Variants in FHAD1 observed in about 807,000 individuals in gnomAD.
The protein encoded by FHAD1 is forkhead-associated domain-containing protein 1.
Under a neutral mutation model 191.3 loss-of-function variants are expected in FHAD1, and 146 were observed. The observed-to-expected ratio is 0.76, with a 90% CI of 0.67 to 0.88. The LOEUF is 0.88. Ranked by LOEUF, FHAD1 falls within the 40% of genes least tolerant of loss-of-function variation. The probability of loss-of-function intolerance (pLI) is 0.00; values close to 1 mark genes in which losing one functional copy is unlikely to be tolerated. For synonymous variants in FHAD1, 616 were observed against 672.3 expected, an observed-to-expected ratio of 0.92 and a Z score of 1.29; for missense variants, 1,635 against 1,785.8, an observed-to-expected ratio of 0.92 and a Z score of 1.52.
chr1:15,237,638 G>A (rs575456885), intron 1 of FHAD1, among the ~76,000 whole-genome samples: 1 of 152,282 alleles, frequency 6.6e-6, no homozygotes, highest in East Asian at 1.9e-4. Context: ...TTCAAATTCA[G>A]AGCCAGATTA....
chr1:15,392,443 A>G (rs1372560212), intron 33 of FHAD1, among the ~76,000 whole-genome samples: 1 of 152,124 alleles, frequency 6.6e-6, no homozygotes, highest in Non-Finnish European at 1.5e-5. Context: ...GAGACAGGAG[A>G]ATGGTGTGAA....
chr1:15,377,766 A>G (rs761835305), intron 28 of FHAD1, among the ~76,000 whole-genome samples: 4 of 152,064 alleles, frequency 2.6e-5, no homozygotes, highest in Non-Finnish European at 4.4e-5. Flanking sequence ...CAGGAAGTGG[A>G]GGCTGCAGTG....
In FHAD1 at chr1:15,290,591, C is replaced by T. The variant is rs117424453; in HGVS notation, c.568+925C>T. Among the ~76,000 whole-genome samples the T allele has an allele frequency of 2.3e-3, 353 of 152,266 alleles. 12 individuals are homozygous for T. In the East Asian group the frequency reaches 0.064, roughly 28 times the overall value. ...GAAGAGTAAAGGCCATGTGTCTCCACGGTTTACATCATCATCACCGTCATC... is the reference window on the plus strand; with the variant it reads ...GAAGAGTAAAGGCCATGTGTCTCCATGGTTTACATCATCATCACCGTCATC... On this transcript the variant is annotated intron_variant, in intron 4 of 33. Transcript: ENST00000688493.
At chr1:15,349,817 C>T (rs146904146) in intron 19 of FHAD1, among the ~76,000 whole-genome samples, 1 of 152,178 alleles carries the variant, frequency 6.6e-6, no homozygotes, top group African/African-American at 2.4e-5. Flanking sequence ...GGGGTCAGAG[C>T]TGGAGACATC....
intron 32 of FHAD1, among the ~76,000 whole-genome samples, chr1:15,388,737 A>T (rs565381962): frequency 2.0e-5 from 3 of 152,126 alleles, no homozygotes; most frequent in Non-Finnish European, 4.4e-5. Context: ...GTCACAGTTC[A>T]CAGTGTCCAT....
At position 15,393,485 on chromosome 1, in the gene FHAD1, G is replaced by GA. The variant is rs200873321; in HGVS notation, c.4323+2228dup. 5.5e-3 allele frequency among the ~76,000 whole-genome samples: 842 copies of GA among 151,732 alleles called. 10 individuals carry two copies. Among genetic ancestry groups the GA allele is most frequent in the Middle Eastern group, 0.024 (7 of 294 alleles). The stretch of plus-strand genomic sequence containing the variant: ...ATCTGTAAAAGGGTGAGGGGCTGGG[G>GA]AAAAAACCTCTAAGAATTCTCAGGG... On this transcript the variant is annotated intron_variant, in intron 33 of 33. Coordinates refer to ENST00000688493, the MANE Select transcript of FHAD1 (RefSeq NM_001391957.1).
intron 20 of FHAD1, among the ~76,000 whole-genome samples, chr1:15,353,417 G>A (rs114272043): frequency 0.021 from 3,203 of 152,208 alleles, 118 homozygotes; most frequent in African/African-American, 0.072. Context: ...TAAGAGAGGA[G>A]ATGTTGGCTG....
At chr1:15,366,308 AAG>A (rs1696434681) in intron 24 of FHAD1, among the ~76,000 whole-genome samples, 1 of 151,382 alleles carries the variant, frequency 6.6e-6, no homozygotes. Flanking sequence ...AAAAAAAAAA[AAG>A]AGTTGAAAAC....
intron 20 of FHAD1, chr1:15,357,839 A>T: frequency 3.2e-6 from 1 of 313,302 alleles, no homozygotes; most frequent in Admixed American, 5.2e-5. Context: ...CTGTCTCATA[A>T]AAGAGAAATA....
intron 19 of FHAD1, 70 bp from the exon 20 acceptor site, chr1:15,352,807 C>A: frequency 8.4e-7 from 1 of 1,194,502 alleles, no homozygotes; most frequent in Non-Finnish European, 1.2e-6. Flanking sequence ...GTGACTCGTC[C>A]TGGTTTCCCT....
intron 4 of FHAD1, among the ~76,000 whole-genome samples, chr1:15,290,234 C>T (rs1283870709): frequency 2.0e-5 from 3 of 152,188 alleles, no homozygotes; most frequent in Non-Finnish European, 4.4e-5. Flanking sequence ...CACACACAAC[C>T]TTCAGGGTGT....
intron 5 of FHAD1, among the ~76,000 whole-genome samples, chr1:15,297,733 G>A (rs1486600898): frequency 6.6e-6 from 1 of 152,180 alleles, no homozygotes; most frequent in African/African-American, 2.4e-5. Flanking sequence ...CGTGGCAGGG[G>A]CTGATGGTCT....
At chr1:15,334,437 C>T (rs927824530) in intron 14 of FHAD1, 1 of 152,200 alleles carries the variant, frequency 6.6e-6, no homozygotes, top group Non-Finnish European at 1.5e-5. Flanking sequence ...TGAGCCATAA[C>T]CACAGAAAGC....
intron 14 of FHAD1, chr1:15,334,411 C>T (rs561736624): frequency 3.9e-5 from 6 of 152,342 alleles, no homozygotes; most frequent in Non-Finnish European, 7.3e-5. Flanking sequence ...AGCTAAACCG[C>T]ATCTGATTCC....
At chr1:15,366,352 G>A (rs1696455952) in intron 24 of FHAD1, among the ~76,000 whole-genome samples, 1 of 150,002 alleles carries the variant, frequency 6.7e-6, no homozygotes, top group Admixed American at 6.6e-5. Flanking sequence ...TCCCTGTGCT[G>A]TCGCAGCACC....
rs546722379 is a variant in FHAD1, at chr1:15,394,220, C to T, written c.4323+2957C>T. On this transcript the variant is annotated intron_variant, in intron 33 of 33. Coordinates refer to ENST00000688493, the MANE Select transcript of FHAD1 (RefSeq NM_001391957.1). ...TTCATAAAGAGAACAAAGCCCCTTCCGTGGTGCTTCCCATCCCATGCTTCT... is the reference window on the plus strand; with the variant it reads ...TTCATAAAGAGAACAAAGCCCCTTCTGTGGTGCTTCCCATCCCATGCTTCT... 7.9e-5 allele frequency among the ~76,000 whole-genome samples: 12 copies of T among 152,306 alleles called. No individual in the cohort carries two copies. In the South Asian group the frequency reaches 1.9e-3, roughly 24 times the overall value.
intron 3 of FHAD1, among the ~76,000 whole-genome samples, chr1:15,284,923 G>GGAAA (rs56001551): frequency 3.3e-5 from 5 of 151,418 alleles, no homozygotes; most frequent in Admixed American, 6.6e-5. Context: ...AGAAAGAGGA[G>GGAAA]GAAAGAAAGA....
intron 31 of FHAD1, among the ~76,000 whole-genome samples, chr1:15,386,684 A>G (rs2103050821): frequency 6.6e-6 from 1 of 152,292 alleles, no homozygotes; most frequent in South Asian, 2.1e-4. Context: ...GGAGCCCCTA[A>G]CCTTGCCTCT....
In FHAD1 at chr1:15,345,091, G is replaced by A. The variant is rs1321753020; in HGVS notation, c.2139G>A (p.Glu713=). The A allele has an allele frequency of 1.3e-6, 2 of 1,551,338 alleles. No homozygotes were observed. Among genetic ancestry groups the A allele is most frequent in the African/African-American group, 2.7e-5 (2 of 72,946 alleles). ...RQLTEEKAAL[E]EYITQERNRA... ...TGGTCATTGGTTTCCAGGCTTTGGA[G>A]GAGTACATTACTCAAGAGAGAAACA... Residue 713 remains glutamate (E), a synonymous_variant, in exon 17 of 34, where the codon GAG becomes GAA. Coordinates refer to ENST00000688493, the MANE Select transcript of FHAD1 (RefSeq NM_001391957.1).
Sources: allele counts gnomAD v4.1 joint callset (sites outside exome capture counted in the v4.1 genomes callset), GRCh38; gene constraint gnomAD v4.1.1; transcripts MANE v1.5; gene names NCBI Gene and HGNC (gene_info 2026-07-23, HGNC 2026-07-21).